The following PTPRT variants were observed in gnomAD, a reference collection of about 807,000 sequenced individuals.
The protein encoded by PTPRT is protein tyrosine phosphatase receptor type T, also known as receptor-type tyrosine-protein phosphatase T.
In PTPRT, 56 loss-of-function variants were observed where a neutral mutation model predicts 176.8. The ratio of observed to expected loss-of-function variants is 0.32; its 90% CI spans 0.26 to 0.40. PTPRT has a LOEUF of 0.40. PTPRT is among the 10% of genes least tolerant of loss of function. The pLI, the probability that PTPRT is intolerant of heterozygous loss-of-function variation, is 1.00. For synonymous variants in PTPRT, 783 were observed against 739.0 expected, an observed-to-expected ratio of 1.06 and a Z score of -0.96; for missense variants, 1,540 against 1,908.2, an observed-to-expected ratio of 0.81 and a Z score of 3.60.
At chr20:42,581,954 A>C (rs1037795647) in intron 7 of PTPRT, among the ~76,000 whole-genome samples, 39 of 152,240 alleles carry the variant, frequency 2.6e-4, no homozygotes, top group African/African-American at 9.4e-4. Context: ...AAATGAATGC[A>C]CAACAGCACA....
intron 7 of PTPRT, among the ~76,000 whole-genome samples, chr20:42,653,490 A>G (rs775125265): frequency 7.2e-5 from 11 of 152,182 alleles, no homozygotes; most frequent in South Asian, 2.1e-4. Flanking sequence ...TGATCTTGCA[A>G]TCATCAGGTG....
At chr20:42,523,589 G>A (rs2072215567) in intron 7 of PTPRT, among the ~76,000 whole-genome samples, 1 of 152,118 alleles carries the variant, frequency 6.6e-6, no homozygotes, top group African/African-American at 2.4e-5. Context: ...TCATTTTCCA[G>A]CCAATTGCAT....
chr20:42,819,138 G>A (rs1051861965), intron 2 of PTPRT, among the ~76,000 whole-genome samples: 1 of 152,118 alleles, frequency 6.6e-6, no homozygotes, highest in Admixed American at 6.6e-5. Context: ...AAACTATTAA[G>A]GGCAGACAGA....
intron 27 of PTPRT, among the ~76,000 whole-genome samples, chr20:42,087,739 G>A (rs928987595): frequency 6.6e-6 from 1 of 151,340 alleles, no homozygotes; most frequent in African/African-American, 2.4e-5. Flanking sequence ...CGGGTATGGT[G>A]GTGGGCACCT....
intron 7 of PTPRT, among the ~76,000 whole-genome samples, chr20:42,631,015 C>T (rs1171673051): frequency 6.6e-6 from 1 of 151,994 alleles, no homozygotes; most frequent in African/African-American, 2.4e-5. Flanking sequence ...ACCCAAGAAA[C>T]CATTACAGAA....
At chr20:43,099,420 C>G (rs1246202096) in intron 1 of PTPRT, among the ~76,000 whole-genome samples, 1 of 152,034 alleles carries the variant, frequency 6.6e-6, no homozygotes, top group Non-Finnish European at 1.5e-5. Context: ...AGGAATGGAC[C>G]CCACACACAA....
intron 16 of PTPRT, among the ~76,000 whole-genome samples, chr20:42,176,850 G>A (rs1990312673): frequency 6.6e-6 from 1 of 152,190 alleles, no homozygotes; most frequent in African/African-American, 2.4e-5. Flanking sequence ...ATTTAAATGT[G>A]CAACAGATGT....
chr20:43,120,660 CGT>C (rs929290075), intron 1 of PTPRT, among the ~76,000 whole-genome samples: 12 of 152,246 alleles, frequency 7.9e-5, no homozygotes, highest in Middle Eastern at 3.4e-3. Flanking sequence ...TGTTGCTGCA[CGT>C]GTGTGTGTCC....
intron 7 of PTPRT, among the ~76,000 whole-genome samples, chr20:42,629,818 C>T (rs567630420): frequency 2.6e-5 from 4 of 152,152 alleles, no homozygotes; most frequent in South Asian, 2.1e-4. Flanking sequence ...AGGATCCAAA[C>T]GACATGGGAA....
At chr20:42,082,759 C>T (rs1042307223) in intron 29 of PTPRT, among the ~76,000 whole-genome samples, 1 of 152,232 alleles carries the variant, frequency 6.6e-6, no homozygotes, top group Admixed American at 6.5e-5. Flanking sequence ...ACCCTTCAAA[C>T]TCTTTACAGA....
intron 1 of PTPRT, among the ~76,000 whole-genome samples, chr20:43,033,095 T>A (rs1986215303): frequency 6.6e-6 from 1 of 152,202 alleles, no homozygotes; most frequent in South Asian, 2.1e-4. Context: ...AATGTCACAA[T>A]AGAGGACTTT....
chr20:42,390,238 A>T (rs149662499), intron 9 of PTPRT, among the ~76,000 whole-genome samples: 3,043 of 152,340 alleles, frequency 0.02, 47 homozygotes, highest in Non-Finnish European at 0.032. Context: ...ATGAATCAAC[A>T]CGTAGTAAAA....
chr20:42,592,991 T>C (rs2073606596), intron 7 of PTPRT, among the ~76,000 whole-genome samples: 1 of 152,192 alleles, frequency 6.6e-6, no homozygotes, highest in African/African-American at 2.4e-5. Context: ...AACTCAGCCA[T>C]TGGAACATCA....
In PTPRT at chr20:42,771,529, C is replaced by T; in HGVS notation, c.590G>A (p.Arg197Gln). 2 of 1,614,084 alleles carry T rather than the reference C, an allele frequency of 1.2e-6. No homozygotes were observed. Among genetic ancestry groups the T allele is most frequent in the East Asian group, 2.2e-5 (1 of 44,874 alleles). Reference protein sequence around the residue: ...HPCRKAPHFLRLQNVEVNVGQ... With the variant: ...HPCRKAPHFLQLQNVEVNVGQ... ...CACATTCACCTCCACGTTTTGGAGT[C>T]GCAGAAAATGAGGTGCTTTTCCTAA... The change falls in exon 5 of 31, where the codon CGA becomes CAA. Residue 197 changes from arginine to glutamine, a missense_variant. By Grantham distance (43) the Arg-to-Gln change is conservative. Around this residue, in one of 11 missense-constraint regions of PTPRT, gnomAD observed 273 missense variants for 432.1 expected, o/e 0.63. Coordinates refer to ENST00000373187, the MANE Select transcript of PTPRT (RefSeq NM_007050.6).
intron 7 of PTPRT, among the ~76,000 whole-genome samples, chr20:42,588,831 G>T (rs892860379): frequency 6.6e-6 from 1 of 152,110 alleles, no homozygotes; most frequent in Non-Finnish European, 1.5e-5. Flanking sequence ...ATTGTGTGCT[G>T]GGCACGGCAC....
intron 19 of PTPRT, among the ~76,000 whole-genome samples, chr20:42,121,457 A>G (rs1370130619): frequency 1.3e-5 from 2 of 152,120 alleles, no homozygotes; most frequent in Non-Finnish European, 2.9e-5. Context: ...CAGAGCAAAT[A>G]CCCAATAAAC....
At chr20:43,168,913 G>A (rs768037856) in intron 1 of PTPRT, among the ~76,000 whole-genome samples, 3 of 152,194 alleles carry the variant, frequency 2.0e-5, no homozygotes, top group Non-Finnish European at 4.4e-5. Flanking sequence ...TCAATCCAGA[G>A]TTCATTAGGT....
chr20:42,883,471 G>A (rs960288772), intron 2 of PTPRT, among the ~76,000 whole-genome samples: 3 of 151,990 alleles, frequency 2.0e-5, no homozygotes, highest in Non-Finnish European at 4.4e-5. Context: ...TTCTGGAGAC[G>A]AGGAACAGTG....
At chr20:42,330,602 G>C (rs981306839) in intron 11 of PTPRT, among the ~76,000 whole-genome samples, 1 of 152,102 alleles carries the variant, frequency 6.6e-6, no homozygotes. Context: ...GCCAGGCACA[G>C]TGTCTCATGC....
Sources: allele counts gnomAD v4.1 joint callset (sites outside exome capture counted in the v4.1 genomes callset), GRCh38; gene constraint gnomAD v4.1.1; regional missense constraint gnomAD v4.1.1; transcripts MANE v1.5; gene names NCBI Gene and HGNC (gene_info 2026-07-23, HGNC 2026-07-21).